Variants in GRID2 observed in about 807,000 individuals in gnomAD.
GRID2 encodes the protein glutamate receptor ionotropic, delta-2.
In GRID2, 33 loss-of-function variants were observed where a neutral mutation model predicts 114.8. The ratio of observed to expected loss-of-function variants is 0.29; its 90% CI spans 0.22 to 0.38. The LOEUF is 0.38. Ranked by LOEUF, GRID2 falls within the 10% of genes least tolerant of loss-of-function variation. The pLI is 1.00. For synonymous variants in GRID2, 505 were observed against 449.9 expected (o/e 1.12, Z -1.55); for missense variants, 1,184 against 1,257.7 (o/e 0.94, Z 0.89).
intron 1 of GRID2, among the ~76,000 whole-genome samples, chr4:92,432,690 T>G (rs1329037087): frequency 6.6e-6 from 1 of 152,148 alleles, no homozygotes; most frequent in African/African-American, 2.4e-5. Context: ...ATTCAGTAGC[T>G]AAGGCCTGGA....
intron 11 of GRID2, among the ~76,000 whole-genome samples, chr4:93,484,200 A>C (rs1403104291): frequency 1.3e-5 from 2 of 151,906 alleles, no homozygotes; most frequent in Non-Finnish European, 2.9e-5. Context: ...CACCTGTATA[A>C]TTGCCACCTA....
intron 4 of GRID2, among the ~76,000 whole-genome samples, chr4:93,119,908 T>A (rs1036872128): frequency 6.6e-6 from 1 of 152,208 alleles, no homozygotes; most frequent in African/African-American, 2.4e-5. Flanking sequence ...GTTGTTTTTT[T>A]CTTGTAAATT....
chr4:93,599,531 T>G (rs966053797), intron 13 of GRID2, among the ~76,000 whole-genome samples: 1 of 152,244 alleles, frequency 6.6e-6, no homozygotes, highest in Admixed American at 6.5e-5. Flanking sequence ...ATGTGTCATT[T>G]CAGTTTGAGA....
intron 10 of GRID2, among the ~76,000 whole-genome samples, chr4:93,424,284 T>A (rs1473275043): frequency 6.6e-6 from 1 of 152,054 alleles, no homozygotes; most frequent in Non-Finnish European, 1.5e-5. Context: ...CTTTATTCCT[T>A]ACATATATTT....
At chr4:92,495,404 C>T (rs1054742895) in intron 1 of GRID2, among the ~76,000 whole-genome samples, 66 of 152,042 alleles carry the variant, frequency 4.3e-4, no homozygotes, top group African/African-American at 1.6e-3. Context: ...TAGAGGATCT[C>T]TTGTATAAAC....
At chr4:92,855,345 G>A (rs774973944) in intron 2 of GRID2, among the ~76,000 whole-genome samples, 29 of 151,900 alleles carry the variant, frequency 1.9e-4, no homozygotes, top group Middle Eastern at 3.2e-3. Flanking sequence ...CCTTAAAGGC[G>A]AATAGTCCTG....
chr4:93,650,387 T>TA (rs1461268250), intron 14 of GRID2, among the ~76,000 whole-genome samples: 1 of 151,876 alleles, frequency 6.6e-6, no homozygotes, highest in Non-Finnish European at 1.5e-5. Flanking sequence ...GATTTTTTTT[T>TA]AAAATACCTC....
chr4:92,657,949 G>GAA (rs60491488), intron 2 of GRID2, among the ~76,000 whole-genome samples: 1 of 150,954 alleles, frequency 6.6e-6, no homozygotes, highest in Non-Finnish European at 1.5e-5. Flanking sequence ...GTAGGAGAAA[G>GAA]AAGACACAAT....
intron 2 of GRID2, among the ~76,000 whole-genome samples, chr4:92,716,336 G>T (rs992327066): frequency 6.6e-6 from 1 of 152,174 alleles, no homozygotes; most frequent in Non-Finnish European, 1.5e-5. Context: ...GAAGTTTTGA[G>T]CTTTGACATG....
chr4:93,325,205 T>C (rs1304704301), intron 8 of GRID2, among the ~76,000 whole-genome samples: 1 of 152,194 alleles, frequency 6.6e-6, no homozygotes, highest in Non-Finnish European at 1.5e-5. Flanking sequence ...CACACTGCTT[T>C]AAGTGTGTCC....
At chr4:92,496,257 T>C (rs1216662275) in intron 1 of GRID2, among the ~76,000 whole-genome samples, 1 of 151,916 alleles carries the variant, frequency 6.6e-6, no homozygotes, top group Non-Finnish European at 1.5e-5. Flanking sequence ...CTCCTTTACC[T>C]TGTATTCCTT....
chr4:93,122,212 T>A, intron 4 of GRID2, among the ~76,000 whole-genome samples: 1 of 152,186 alleles, frequency 6.6e-6, no homozygotes, highest in East Asian at 1.9e-4. Context: ...TCTAGAAACT[T>A]GTTTTATCAT....
intron 2 of GRID2, among the ~76,000 whole-genome samples, chr4:92,800,060 T>A (rs1443268289): frequency 6.6e-6 from 1 of 151,994 alleles, no homozygotes; most frequent in Non-Finnish European, 1.5e-5. Flanking sequence ...TTCTTTTTCA[T>A]ATGCTATATT....
chr4:92,846,595 A>G (rs1169818303), intron 2 of GRID2, among the ~76,000 whole-genome samples: 3 of 152,034 alleles, frequency 2.0e-5, no homozygotes, highest in Admixed American at 6.6e-5. Flanking sequence ...TTAGATTCCT[A>G]CATTCTTGGA....
chr4:93,361,986 TC>T (rs1458243675), intron 8 of GRID2, among the ~76,000 whole-genome samples: 1 of 151,968 alleles, frequency 6.6e-6, no homozygotes, highest in Admixed American at 6.6e-5. Context: ...ATGCTTTCCT[TC>T]CCCCTTCCCC....
chr4:92,914,634 T>C (rs1032998208), intron 2 of GRID2, among the ~76,000 whole-genome samples: 3 of 152,130 alleles, frequency 2.0e-5, no homozygotes, highest in Non-Finnish European at 4.4e-5. Context: ...TGTGTTCTTA[T>C]CATTTAGTTC....
intron 2 of GRID2, among the ~76,000 whole-genome samples, chr4:92,970,435 T>A (rs1476728927): frequency 6.6e-6 from 1 of 152,106 alleles, no homozygotes; most frequent in East Asian, 1.9e-4. Context: ...CAATTACTTT[T>A]GCGTCAACCT....
intron 1 of GRID2, among the ~76,000 whole-genome samples, chr4:93,802,341 A>T (rs981177837): frequency 6.6e-6 from 1 of 151,710 alleles, no homozygotes; most frequent in Non-Finnish European, 1.5e-5. Flanking sequence ...GACATAAACC[A>T]CCCACTGCCA....
At chr4:92,325,377 G>T (rs1261769512) in intron 1 of GRID2, among the ~76,000 whole-genome samples, 1 of 151,812 alleles carries the variant, frequency 6.6e-6, no homozygotes, top group African/African-American at 2.4e-5. Flanking sequence ...TTTTCAGTCA[G>T]TATTAGCTTT....
Sources: gnomAD v4.1 joint callset for allele counts (sites outside exome capture counted in the v4.1 genomes callset) on GRCh38, gnomAD v4.1.1 for gene constraint, MANE v1.5 for transcripts, NCBI Gene and HGNC (gene_info 2026-07-23, HGNC 2026-07-21) for gene names.